TDRD7: variants seen among roughly 807,000 people sequenced by gnomAD.
TDRD7 encodes tudor domain containing 7, also known as tudor domain-containing protein 7.
TDRD7 carries 47 observed loss-of-function variants against 109.8 expected under a neutral mutation model. That is an observed-to-expected ratio of 0.43 (90% CI 0.34 to 0.55). The LOEUF (loss-of-function observed/expected upper bound fraction) is 0.55. Ranked by LOEUF, TDRD7 falls within the 20% of genes least tolerant of loss-of-function variation. TDRD7 has a pLI of 0.03. For synonymous variants in TDRD7, 424 were observed against 457.3 expected (o/e 0.93, Z 0.93); for missense variants, 1,164 against 1,319.2 (o/e 0.88, Z 1.82).
At chr9:97,418,469 C>T (rs1019296201) in intron 1 of TDRD7, among the ~76,000 whole-genome samples, 1 of 152,020 alleles carries the variant, frequency 6.6e-6, no homozygotes, top group Non-Finnish European at 1.5e-5. Context: ...CTTCGTACCT[C>T]ACTCTGCTCT....
At chr9:97,490,734 GT>G (rs199815285) in intron 16 of TDRD7, among the ~76,000 whole-genome samples, 47 of 141,030 alleles carry the variant, frequency 3.3e-4, no homozygotes, top group South Asian at 1.6e-3. Context: ...TTTTTGTTCT[GT>G]TTTTTTTTTC....
chr9:97,454,495 C>T (rs182367537), intron 6 of TDRD7, among the ~76,000 whole-genome samples: 17 of 152,192 alleles, frequency 1.1e-4, no homozygotes, highest in Non-Finnish European at 2.1e-4. Context: ...AAAGAGAGAA[C>T]GCAGTGCAGT....
intron 9 of TDRD7, 43 bp downstream of exon 9, chr9:97,470,712 T>C: frequency 2.1e-6 from 3 of 1,420,340 alleles, no homozygotes; most frequent in Non-Finnish European, 2.0e-6. Context: ...TTCAATAGGC[T>C]ATTACCACTG....
At chr9:97,472,905 G>A (rs980675076) in intron 10 of TDRD7, among the ~76,000 whole-genome samples, 1 of 152,042 alleles carries the variant, frequency 6.6e-6, no homozygotes, top group Non-Finnish European at 1.5e-5. Flanking sequence ...AGAATAGGAT[G>A]AGATGTTAAA....
chr9:97,465,162 A>G, intron 8 of TDRD7, 134 bp downstream of exon 8: 1 of 1,149,608 alleles, frequency 8.7e-7, no homozygotes, highest in Non-Finnish European at 1.2e-6. Flanking sequence ...TGGAAGTTGA[A>G]AAGATAATAT....
intron 16 of TDRD7, among the ~76,000 whole-genome samples, chr9:97,494,153 G>C (rs1348924265): frequency 6.6e-6 from 1 of 152,214 alleles, no homozygotes; most frequent in African/African-American, 2.4e-5. Context: ...CACAATTTAT[G>C]TTCAGAGATT....
Position 97,432,161 on chromosome 9 carries a change from GCTACA to G in TDRD7, c.488_492del (p.Leu163HisfsTer6). ...CTGATGCTGAAATGTCTCCTTATAT[GCTACA>G]CACAACTCTTGGAAATGAAGCATTC... On this transcript the variant is annotated frameshift_variant, in exon 4 of 17. Transcript: ENST00000355295. LOFTEE classifies it high-confidence loss of function. The G allele has an allele frequency of 6.2e-7, 1 of 1,613,826 alleles. No individual in the cohort carries two copies. The highest frequency in any genetic ancestry group is 8.5e-7 in the Non-Finnish European group (1 of 1,179,784).
At chr9:97,465,167 T>C (rs1828801141) in intron 8 of TDRD7, 139 bp downstream of exon 8, 1 of 1,103,816 alleles carries the variant, frequency 9.1e-7, no homozygotes, top group African/African-American at 1.6e-5. Context: ...GTTGAAAAGA[T>C]AATATCTGTA....
chr9:97,441,846 C>A lies in TDRD7; in HGVS notation c.826C>A (p.Gln276Lys). 1 of 1,613,750 alleles carries A rather than the reference C, an allele frequency of 6.2e-7. No individual in the cohort carries two copies. The highest frequency in any genetic ancestry group is 8.5e-7 in the Non-Finnish European group (1 of 1,179,786). ...AGACCTTAATCAAGGAATTTTACAA[C>A]AGTTTGAACACTGGCCTCATATTTG... ...KEDLNQGILQQFEHWPHICTV... is the reference protein window; with the variant it reads ...KEDLNQGILQKFEHWPHICTV... The change falls in exon 6 of 17, where the codon CAG (glutamine) becomes AAG (lysine). Residue 276 changes from glutamine to lysine, a missense_variant. Physicochemically the swap from Gln to Lys is moderately conservative, Grantham distance 53 (BLOSUM62 1). Transcript: ENST00000355295.
At chr9:97,465,502 G>A (rs527725583) in intron 8 of TDRD7, among the ~76,000 whole-genome samples, 119 of 152,292 alleles carry the variant, frequency 7.8e-4, no homozygotes, top group South Asian at 1.5e-3. Context: ...CAGTGGGCCC[G>A]TTTGCCACTT....
At chr9:97,459,949 G>A (rs538155214) in intron 6 of TDRD7, among the ~76,000 whole-genome samples, 3 of 152,212 alleles carry the variant, frequency 2.0e-5, no homozygotes, top group Admixed American at 6.5e-5. Context: ...TCTCGATGCC[G>A]CACAAATGAA....
intron 1 of TDRD7, among the ~76,000 whole-genome samples, chr9:97,419,371 C>G (rs149471587): frequency 6.4e-4 from 98 of 152,308 alleles, no homozygotes; most frequent in African/African-American, 2.2e-3. Context: ...TGGCCAGTCT[C>G]CACTGTTGCT....
chr9:97,414,353 C>G (rs561081890), intron 1 of TDRD7, among the ~76,000 whole-genome samples: 3 of 152,238 alleles, frequency 2.0e-5, no homozygotes, highest in Non-Finnish European at 4.4e-5. Flanking sequence ...TCAAAGTAAG[C>G]TTGGCATTTT....
intron 5 of TDRD7, among the ~76,000 whole-genome samples, chr9:97,441,440 T>G (rs1828302845): frequency 6.6e-6 from 1 of 152,104 alleles, no homozygotes; most frequent in South Asian, 2.1e-4. Flanking sequence ...CCTCTTTGGG[T>G]GTTTCTTGAC....
intron 3 of TDRD7, 31 bp from the exon 4 acceptor site, chr9:97,431,994 T>A: frequency 6.2e-7 from 1 of 1,600,332 alleles, no homozygotes; most frequent in Non-Finnish European, 8.6e-7. Context: ...GGGATGCTAA[T>A]TGATTTCGTT....
In TDRD7 at chr9:97,412,697, C is replaced by G. The variant is rs538038106; in HGVS notation, c.-7+459C>G. On this transcript the variant is annotated intron_variant, in intron 1 of 16. Transcript: ENST00000355295. This position sits in a 1 kb window ranked among gnomAD's most constrained non-coding sequence, Gnocchi z 4.3. ...ATTTGAACCCAAGTATTTTACACCACGAACTTCTCTTGAAGGTCTCTATAA... is the reference window on the plus strand; with the variant it reads ...ATTTGAACCCAAGTATTTTACACCAGGAACTTCTCTTGAAGGTCTCTATAA... Among the ~76,000 whole-genome samples the G allele has an allele frequency of 3.3e-5, 5 of 152,336 alleles. No individual in the cohort carries two copies. The East Asian group carries it at 5.8e-4, about 18-fold the overall frequency.
chr9:97,470,735 G>A (rs1180912280), intron 9 of TDRD7, 66 bp downstream of exon 9: 1 of 1,235,882 alleles, frequency 8.1e-7, no homozygotes, highest in Non-Finnish European at 1.2e-6. Context: ...CATTTGGATA[G>A]TTGAATCCTA....
chr9:97,445,731 T>C (rs1216221983), intron 6 of TDRD7, among the ~76,000 whole-genome samples: 3 of 152,138 alleles, frequency 2.0e-5, no homozygotes, highest in Admixed American at 6.5e-5. Context: ...AGAGGCCAGG[T>C]CACTTCATTA....
chr9:97,416,157 C>T (rs1007323061), intron 1 of TDRD7, among the ~76,000 whole-genome samples: 2 of 152,184 alleles, frequency 1.3e-5, no homozygotes, highest in African/African-American at 4.8e-5. Flanking sequence ...CCAAGGGATT[C>T]CCCTTCCCTT....
Sources: allele counts gnomAD v4.1 joint callset (sites outside exome capture counted in the v4.1 genomes callset), GRCh38; gene constraint gnomAD v4.1.1; non-coding constraint Gnocchi (gnomAD v3.1); transcripts MANE v1.5; gene names NCBI Gene and HGNC (gene_info 2026-07-23, HGNC 2026-07-21).